The following CEACAM3 variants were observed in gnomAD, a reference collection of about 807,000 sequenced individuals.
The protein encoded by CEACAM3 is cell adhesion molecule CEACAM3.
A neutral mutation model predicts 30.1 loss-of-function variants in CEACAM3; 32 were observed. The ratio of observed to expected loss-of-function variants is 1.06; its 90% confidence interval spans 0.80 to 1.43. CEACAM3 has a LOEUF of 1.43. CEACAM3 is among the 40% of genes most tolerant of loss of function. The pLI is 0.00. For missense variants in CEACAM3, 290 were observed against 316.3 expected (o/e 0.92, Z 0.63); for synonymous variants, 134 against 127.2 (o/e 1.05, Z -0.36).
chr19:41,799,415 C>T (rs1388874909), intron 2 of CEACAM3, among the ~76,000 whole-genome samples: 1 of 152,176 alleles, frequency 6.6e-6, no homozygotes, highest in Non-Finnish European at 1.5e-5. Context: ...CACCAGAAGC[C>T]GAGCAGACGC....
chr19:41,807,367 C>T, intron 2 of CEACAM3: 5 of 1,604,944 alleles, frequency 3.1e-6, no homozygotes, highest in Non-Finnish European at 3.4e-6. Context: ...GCTACAGTGA[C>T]CCAGTCACGC....
intron 2 of CEACAM3, among the ~76,000 whole-genome samples, chr19:41,804,652 GATTTCAAACC>G (rs2073184390): frequency 6.6e-6 from 1 of 152,142 alleles, no homozygotes; most frequent in African/African-American, 2.4e-5. Context: ...GAGAGTCACT[GATTTCAAACC>G]AAAGTCAGCA....
At chr19:41,800,466 T>C (rs545305115) in intron 2 of CEACAM3, among the ~76,000 whole-genome samples, 1 of 152,228 alleles carries the variant, frequency 6.6e-6, no homozygotes, top group South Asian at 2.1e-4. Context: ...CTCCACCTCT[T>C]GTGGAGGGCC....
At chr19:41,799,033 T>A (rs1309313507) in intron 2 of CEACAM3, among the ~76,000 whole-genome samples, 2 of 152,214 alleles carry the variant, frequency 1.3e-5, no homozygotes, top group African/African-American at 4.8e-5. Context: ...TAAGTTCTCT[T>A]TCCTTTTTCT....
At chr19:41,809,492 T>C (rs1487631792) in intron 3 of CEACAM3, 2 of 164,532 alleles carry the variant, frequency 1.2e-5, no homozygotes, top group African/African-American at 4.8e-5. Flanking sequence ...TGCCAAGGGG[T>C]TGAGAGAGAG....
At chr19:41,797,993 C>T (rs2073117586) in intron 2 of CEACAM3, 45 bp downstream of exon 2, 2 of 1,563,210 alleles carry the variant, frequency 1.3e-6, no homozygotes, top group Non-Finnish European at 1.7e-6. Flanking sequence ...GTCAGTTCTA[C>T]TTCCCACATA....
chr19:41,807,689 A>C, intron 2 of CEACAM3: 8 of 1,068,564 alleles, frequency 7.5e-6, no homozygotes, highest in Non-Finnish European at 9.5e-6. Flanking sequence ...GACTTGGCTC[A>C]CAGGGACACT....
Position 41,809,739 on chromosome 19 carries a change from C to G in CEACAM3, c.543-226C>G, listed in dbSNP as rs1445599744. 14 of 500,952 alleles carry G rather than the reference C, an allele frequency of 2.8e-5. 1 individual carries two copies. Among genetic ancestry groups the G allele is most frequent in the Admixed American group, 2.7e-4 (8 of 29,576 alleles). 31.0% of individuals were successfully genotyped at this position (500,952 alleles called of 1,614,324 possible). A position where few individuals can be genotyped will look rare whatever the true frequency, so the allele number is the denominator to read the frequency against. ...GGTCCCTGGGTCAATGTTCTCCTGG[C>G]CCGGCATCTGCCTGAGGGTCCTTCC... On this transcript the variant is annotated intron_variant, in intron 3 of 6. Coordinates refer to ENST00000357396, the MANE Select transcript of CEACAM3 (RefSeq NM_001815.5).
intron 3 of CEACAM3, chr19:41,809,222 A>G (rs2073228977): frequency 6.2e-6 from 1 of 161,770 alleles, no homozygotes; most frequent in Non-Finnish European, 1.3e-5. Context: ...AGAAGGAGGG[A>G]GGGAAGTAGG....
chr19:41,802,826 C>T (rs2073162957), intron 2 of CEACAM3, among the ~76,000 whole-genome samples: 1 of 152,186 alleles, frequency 6.6e-6, no homozygotes, highest in South Asian at 2.1e-4. Context: ...ACTGGCCTGG[C>T]AGTGGGTAAA....
chr19:41,803,080 C>T (rs1277362751), intron 2 of CEACAM3, among the ~76,000 whole-genome samples: 6 of 151,924 alleles, frequency 3.9e-5, no homozygotes. Flanking sequence ...AAAAAAAATG[C>T]AATTTGAAAC....
intron 2 of CEACAM3, among the ~76,000 whole-genome samples, chr19:41,806,290 C>T (rs1377109245): frequency 6.6e-6 from 1 of 151,940 alleles, no homozygotes; most frequent in Non-Finnish European, 1.5e-5. Flanking sequence ...TCGGCCTCCC[C>T]AAGTGCTGGG....
intron 2 of CEACAM3, among the ~76,000 whole-genome samples, chr19:41,801,188 C>A (rs1380411967): frequency 6.6e-6 from 1 of 152,184 alleles, no homozygotes; most frequent in Admixed American, 6.5e-5. Context: ...CCAGGAACTC[C>A]CTCTAACAAG....
chr19:41,800,265 T>C (rs1015670589), intron 2 of CEACAM3, among the ~76,000 whole-genome samples: 11 of 152,200 alleles, frequency 7.2e-5, no homozygotes, highest in African/African-American at 2.4e-4. Flanking sequence ...GCGAGCCTTC[T>C]GTTATGCCCA....
intron 2 of CEACAM3, 39 bp from the exon 3 acceptor site, chr19:41,808,774 A>T: frequency 6.4e-7 from 1 of 1,551,514 alleles, no homozygotes; most frequent in Non-Finnish European, 8.9e-7. Context: ...TCTGGGATAG[A>T]CTTGGGCCTC....
At chr19:41,800,950 G>A (rs192534749) in intron 2 of CEACAM3, among the ~76,000 whole-genome samples, 16 of 152,014 alleles carry the variant, frequency 1.1e-4, no homozygotes, top group African/African-American at 3.4e-4. Context: ...TCTCGTCTCC[G>A]CACATGGGGA....
At chr19:41,800,402 G>A (rs114586974) in intron 2 of CEACAM3, among the ~76,000 whole-genome samples, 2,906 of 152,232 alleles carry the variant, frequency 0.019, 99 homozygotes, top group African/African-American at 0.067. Context: ...CTACTTGGCA[G>A]ACCGGGAAAG....
rs893303642 is a variant in CEACAM3 at position 41,811,460 on chromosome 19, C to T, written c.*223C>T. The T allele has an allele frequency of 1.1e-4, 57 of 529,574 alleles. No homozygotes were observed. The highest frequency in any genetic ancestry group is 4.6e-4 in the East Asian group (16 of 34,648). 32.8% of individuals were successfully genotyped at this position (529,574 alleles called of 1,614,324 possible). ...GGTCAGGACAAAGGCCTCTCATCACCGCAGAAAGCGGGGGCTTGCAGGGAA... is the reference window on the plus strand; with the variant it reads ...GGTCAGGACAAAGGCCTCTCATCACTGCAGAAAGCGGGGGCTTGCAGGGAA... On this transcript the variant is annotated 3_prime_UTR_variant, in exon 7 of 7. Transcript: ENST00000357396.
intron 2 of CEACAM3, among the ~76,000 whole-genome samples, chr19:41,803,840 G>A (rs1200674682): frequency 1.3e-5 from 2 of 152,126 alleles, no homozygotes; most frequent in Non-Finnish European, 2.9e-5. Context: ...TGCACTTTGG[G>A]AGGCTGAGGC....
Sources: gnomAD v4.1 joint callset for allele counts (sites outside exome capture counted in the v4.1 genomes callset) on GRCh38, gnomAD v4.1.1 for gene constraint, MANE v1.5 for transcripts, NCBI Gene and HGNC (gene_info 2026-07-23, HGNC 2026-07-21) for gene names.